Variants in CORO1B observed in about 807,000 individuals in gnomAD.
CORO1B encodes coronin 1B, also known as coronin-1B.
In CORO1B, 30 loss-of-function variants were observed where a neutral mutation model predicts 51.1. The observed-to-expected ratio is 0.59, with a 90% CI of 0.44 to 0.80. The LOEUF (loss-of-function observed/expected upper bound fraction) is 0.80. Among genes scored for constraint, CORO1B ranks in the 30% least tolerant of loss-of-function variants. CORO1B has a pLI of 0.00. For synonymous variants in CORO1B, 310 were observed against 289.7 expected, an observed-to-expected ratio of 1.07 and a Z score of -0.71; for missense variants, 648 against 700.4, an observed-to-expected ratio of 0.93 and a Z score of 0.84.
In CORO1B at chr11:67,440,410, C is replaced by G. The variant is rs775695498; in HGVS notation, c.786G>C (p.Gln262His). ...GGGCCCCGTTGCTCGAGTCCAGTTC[C>G]TGCAGGGCCATGGGTTCCTCGAGGT... ...PENLEEPMAL[Q>H]ELDSSNGALL... The change falls in exon 7 of 11, where the codon CAG (glutamine) becomes CAC (histidine). Residue 262 changes from glutamine to histidine, a missense_variant. Physicochemically the swap from Gln to His is conservative, Grantham distance 24. Transcript: ENST00000341356. 63 of 1,613,816 alleles carry G rather than the reference C, an allele frequency of 3.9e-5. No homozygotes were observed. Among genetic ancestry groups the G allele is most frequent in the Non-Finnish European group, 5.2e-5 (61 of 1,179,998 alleles).
At position 67,435,614 on chromosome 11, in the gene CORO1B, G is replaced by A. The variant is rs1864249133; in HGVS notation, c.*2762C>T. On this transcript the variant is annotated 3_prime_UTR_variant, in exon 11 of 11. Transcript: ENST00000341356. ...ACACATGGACTTGGGAACTGGTAGG[G>A]GGTGACAGTCTGAGGCATGGTCATG... is the stretch of plus-strand genomic sequence containing the variant. The A allele has an allele frequency of 7.0e-7, 1 of 1,430,286 alleles. No homozygotes were observed. 88.6% of individuals were successfully genotyped at this position (1,430,286 alleles called of 1,614,324 possible).
upstream of CORO1B, chr11:67,443,490 G>A: frequency 1.0e-6 from 1 of 985,494 alleles, no homozygotes; most frequent in African/African-American, 1.7e-5. Flanking sequence ...GCAGGATTCA[G>A]GAAGTGACAG....
upstream of CORO1B, chr11:67,443,677 C>T (rs1053944936): frequency 7.3e-6 from 7 of 958,844 alleles, no homozygotes; most frequent in African/African-American, 1.2e-4. Context: ...GCAGCTCCTC[C>T]GGAAGAAGGG....
chr11:67,441,793 T>C lies in CORO1B; in HGVS notation c.394A>G (p.Thr132Ala), dbSNP rs1864400636. ...CAGGCGATGATGCCCACTCGCTTGG[T>C]GTGCCCCTCCAGTACCACCACCGGC... ...TEPVVVLEGH[T>A]KRVGIIAWHP... Residue 132 changes from threonine (T) to alanine (A), a missense_variant, in exon 4 of 11, where the codon ACC (threonine) becomes GCC (alanine). Transcript: ENST00000341356. 1 of 1,612,976 alleles carries C rather than the reference T, an allele frequency of 6.2e-7. No individual in the cohort carries two copies. Among genetic ancestry groups the C allele is most frequent in the African/African-American group, 1.3e-5 (1 of 75,006 alleles).
intron 6 of CORO1B, 33 bp from the exon 7 acceptor site, chr11:67,440,472 ACCT>A (rs1864373772): frequency 6.3e-7 from 1 of 1,595,404 alleles, no homozygotes; most frequent in African/African-American, 1.3e-5. Context: ...GCCAAGCAGA[ACCT>A]CCTCACCCCC....
rs1235915033 is a variant in CORO1B at position 67,442,026 on chromosome 11, G to A, written c.264C>T (p.Ile88=). ...CTTCGTCGTTGTGAGGACACCAGTC[G>A]ATGTCCAGGACAGGTCCCGTGTGCC... The part of the protein sequence containing the change: ...VCGHTGPVLD[I]DWCPHNDEVI... The change falls in exon 3 of 11, where the codon ATC becomes ATT. Residue 88 remains isoleucine (I), a synonymous_variant. Transcript: ENST00000341356. 8.1e-6 allele frequency: 13 copies of A among 1,613,100 alleles called. No individual in the cohort carries two copies. The highest frequency in any genetic ancestry group is 4.5e-5 in the East Asian group (2 of 44,892).
At position 67,442,440 on chromosome 11, in the gene CORO1B, G is replaced by C. The variant is rs762097445; in HGVS notation, c.189C>G (p.Leu63=). 1 of 1,613,208 alleles carries C rather than the reference G, an allele frequency of 6.2e-7. No individual in the cohort carries two copies. The highest frequency in any genetic ancestry group is 1.1e-5 in the South Asian group (1 of 91,078). Residue 63 remains leucine, a synonymous_variant, in exon 2 of 11, where the codon CTC becomes CTG. Coordinates refer to ENST00000341356, the MANE Select transcript of CORO1B (RefSeq NM_020441.3). ...EASGGGAFLV[L]PLSKTGRIDK... is the part of the protein sequence containing the mutation. ...TGACAGGACCCACCTTGCTTAGGGG[G>C]AGCACCAGAAAGGCACCCCCTCCAC... is the stretch of plus-strand genomic sequence containing the variant.
chr11:67,438,851 G>GAT lies in CORO1B; in HGVS notation c.1162_1163dup (p.Leu389SerfsTer17). 3 of 1,609,122 alleles carry GAT rather than the reference G, an allele frequency of 1.9e-6. No homozygotes were observed. Among genetic ancestry groups the GAT allele is most frequent in the Non-Finnish European group, 2.5e-6 (3 of 1,178,974 alleles). The stretch of plus-strand genomic sequence containing the variant: ...CGTAGGCCTCCCGCAGTGAGATGAG[G>GAT]ATCGGGTCGGCATCCCGCCCGCTCA... On this transcript the variant is annotated frameshift_variant, in exon 10 of 11. Transcript: ENST00000341356. LOFTEE classifies it high-confidence loss of function.
chr11:67,442,197 T>C, intron 2 of CORO1B, 109 bp from the exon 3 acceptor site: 1 of 1,536,452 alleles, frequency 6.5e-7, no homozygotes, highest in Non-Finnish European at 8.8e-7. Context: ...GTGGCCCAGA[T>C]GTGACTGTGC....
chr11:67,441,071 T>G (rs570408308), intron 6 of CORO1B, 54 bp downstream of exon 6: 16 of 1,612,078 alleles, frequency 9.9e-6, no homozygotes, highest in African/African-American at 1.3e-5. Flanking sequence ...CCTGCCTGCC[T>G]GGCCCAGGGT....
chr11:67,442,651 G>C, intron 1 of CORO1B, 21 bp from the exon 2 acceptor site: 1 of 1,609,812 alleles, frequency 6.2e-7, no homozygotes, highest in Middle Eastern at 1.7e-4. Flanking sequence ...GAGAGGCCTG[G>C]GTCAGTCCGG....
chr11:67,436,389 TG>T lies in CORO1B; in HGVS notation c.*1986del. The T allele has an allele frequency of 7.0e-7, 1 of 1,428,520 alleles. No homozygotes were observed. 88.5% of individuals were successfully genotyped at this position (1,428,520 alleles called of 1,614,324 possible). On this transcript the variant is annotated 3_prime_UTR_variant, in exon 11 of 11. Coordinates refer to ENST00000341356, the MANE Select transcript of CORO1B (RefSeq NM_020441.3). ...GCAGGGGCTCAGAGGGCTCAGCACCTGGGGTGGGGCCTGGTGTGGGGCAGGC... is the reference window on the plus strand; with the variant it reads ...GCAGGGGCTCAGAGGGCTCAGCACCTGGGTGGGGCCTGGTGTGGGGCAGGC...
Position 67,443,422 on chromosome 11 carries a change from A to C in CORO1B, c.-21T>G. ...CGCTCACCGGGGGCACCGGGGGCGC[A>C]GGGGGCTGCGGCACCGGCTTCGGGC... On this transcript the variant is annotated 5_prime_UTR_variant, in exon 1 of 11. Transcript: ENST00000341356. 1 of 981,886 alleles carries C rather than the reference A, an allele frequency of 1.0e-6. No homozygotes were observed. The highest frequency in any genetic ancestry group is 4.7e-5 in the South Asian group (1 of 21,270). The allele number at this position is 981,886 out of a possible 1,614,324, so 60.8% of individuals were successfully genotyped here.
At chr11:67,440,663 A>G in intron 6 of CORO1B, 1 of 685,028 alleles carries the variant, frequency 1.5e-6, no homozygotes, top group Non-Finnish European at 2.7e-6. Flanking sequence ...CCAGGCCTTA[A>G]GACTATGCCC....
At chr11:67,442,726 G>A (rs1308253173) in intron 1 of CORO1B, 96 bp from the exon 2 acceptor site, 3 of 1,279,504 alleles carry the variant, frequency 2.3e-6, no homozygotes, top group Non-Finnish European at 3.3e-6. Context: ...GCAACCGGGG[G>A]CCAGGCCACC....
chr11:67,442,327 G>C, intron 2 of CORO1B, 101 bp downstream of exon 2: 3 of 1,345,196 alleles, frequency 2.2e-6, no homozygotes, highest in Non-Finnish European at 3.1e-6. Flanking sequence ...CACCTGCCCA[G>C]CAGTGTGAGA....
At chr11:67,441,570 C>A in intron 4 of CORO1B, 56 bp from the exon 5 acceptor site, 1 of 1,580,418 alleles carries the variant, frequency 6.3e-7, no homozygotes, top group Non-Finnish European at 8.6e-7. Context: ...GCCATTAGCT[C>A]ACCAGGCTGA....
At chr11:67,439,442 G>A (rs770058533) in intron 9 of CORO1B, among the ~76,000 whole-genome samples, 8 of 152,158 alleles carry the variant, frequency 5.3e-5, no homozygotes, top group African/African-American at 9.7e-5. Context: ...TGTGCCCTTC[G>A]CCTGGCCTGC....
chr11:67,439,641 T>C, intron 9 of CORO1B, 145 bp downstream of exon 9: 1 of 899,732 alleles, frequency 1.1e-6, no homozygotes, highest in South Asian at 1.5e-5. Flanking sequence ...AGCTGGCTGG[T>C]ACAAGGGCAA....
Sources: gnomAD v4.1 joint callset for allele counts (sites outside exome capture counted in the v4.1 genomes callset) on GRCh38, gnomAD v4.1.1 for gene constraint, MANE v1.5 for transcripts, NCBI Gene and HGNC (gene_info 2026-07-23, HGNC 2026-07-21) for gene names.